CDH12: variants seen among roughly 807,000 people sequenced by gnomAD.
CDH12 encodes the protein cadherin 12.
Under a neutral mutation model 74.1 loss-of-function variants are expected in CDH12, and 41 were observed. That is an observed-to-expected ratio of 0.55 (90% confidence interval 0.43 to 0.72). The LOEUF is 0.72. Ranked by LOEUF, CDH12 falls within the 30% of genes least tolerant of loss-of-function variation. CDH12 has a pLI of 0.00. For missense variants in CDH12, 945 were observed against 977.2 expected, an observed-to-expected ratio of 0.97 and a Z score of 0.44; for synonymous variants, 399 against 355.0, an observed-to-expected ratio of 1.12 and a Z score of -1.39.
At chr5:22,028,172 C>G (rs2150169396) in intron 5 of CDH12, among the ~76,000 whole-genome samples, 1 of 152,262 alleles carries the variant, frequency 6.6e-6, no homozygotes, top group Non-Finnish European at 1.5e-5. Context: ...GCAGCAAAAA[C>G]TGGAAGCATT....
chr5:22,678,299 A>G (rs1741320020), intron 1 of CDH12, among the ~76,000 whole-genome samples: 2 of 152,132 alleles, frequency 1.3e-5, no homozygotes, highest in African/African-American at 4.8e-5. Flanking sequence ...TTTGTAGCAA[A>G]CACTGAATAG....
chr5:22,540,257 A>T (rs535444024), intron 1 of CDH12, among the ~76,000 whole-genome samples: 1 of 152,168 alleles, frequency 6.6e-6, no homozygotes, highest in East Asian at 1.9e-4. Flanking sequence ...AAAGAGGATG[A>T]GTTTGTTGAT....
At chr5:22,201,886 T>C (rs115147269) in intron 4 of CDH12, among the ~76,000 whole-genome samples, 8,579 of 152,072 alleles carry the variant, frequency 0.056, 268 homozygotes, top group Non-Finnish European at 0.063. Context: ...GGGGAAACAA[T>C]GATGGAAAGC....
intron 1 of CDH12, among the ~76,000 whole-genome samples, chr5:22,556,196 A>G (rs1467620838): frequency 2.6e-5 from 4 of 152,090 alleles, no homozygotes; most frequent in Admixed American, 2.6e-4. Flanking sequence ...CTTTGATAAA[A>G]GCAGAAGGGG....
chr5:21,839,564 T>C (rs1172463470), intron 8 of CDH12, among the ~76,000 whole-genome samples: 1 of 152,014 alleles, frequency 6.6e-6, no homozygotes, highest in African/African-American at 2.4e-5. Flanking sequence ...AACTAAAACA[T>C]TTCCATCAGT....
chr5:22,219,845 T>C (rs924491528), intron 3 of CDH12, among the ~76,000 whole-genome samples: 15 of 151,706 alleles, frequency 9.9e-5, no homozygotes, highest in Non-Finnish European at 2.1e-4. Context: ...TTAGTGCAGA[T>C]GGAGTAGTAA....
intron 4 of CDH12, among the ~76,000 whole-genome samples, chr5:22,134,376 T>C (rs1746341946): frequency 6.6e-6 from 1 of 152,028 alleles, no homozygotes; most frequent in Admixed American, 6.6e-5. Context: ...ATCCCACAGT[T>C]CTTCTACTTC....
intron 2 of CDH12, among the ~76,000 whole-genome samples, chr5:22,486,071 C>T (rs1746580295): frequency 6.6e-6 from 1 of 152,172 alleles, no homozygotes; most frequent in Admixed American, 6.5e-5. Flanking sequence ...AGCTGCTGCC[C>T]CGTGCCTGCC....
At chr5:22,121,603 A>C (rs1157011316) in intron 4 of CDH12, among the ~76,000 whole-genome samples, 2 of 152,348 alleles carry the variant, frequency 1.3e-5, no homozygotes, top group East Asian at 3.9e-4. Context: ...GATAATTAAC[A>C]TTAAGTTTTT....
intron 4 of CDH12, among the ~76,000 whole-genome samples, chr5:22,115,001 C>A (rs756153885): frequency 4.6e-5 from 7 of 152,172 alleles, no homozygotes; most frequent in East Asian, 1.9e-4. Flanking sequence ...TTGAGGCCAA[C>A]AATCCAGGAA....
intron 4 of CDH12, chr5:22,141,480 G>A (rs921576739): frequency 1.3e-5 from 2 of 152,126 alleles, no homozygotes; most frequent in Admixed American, 1.3e-4. Context: ...GAAGGTGTGT[G>A]GAGTAAAAGC....
chr5:22,058,425 T>C (rs1740904934), intron 5 of CDH12, among the ~76,000 whole-genome samples: 1 of 152,174 alleles, frequency 6.6e-6, no homozygotes, highest in African/African-American at 2.4e-5. Context: ...ATTTGACATG[T>C]ATTTATAAAA....
At chr5:22,575,966 CTCCCACCT>C in intron 1 of CDH12, among the ~76,000 whole-genome samples, 1 of 151,930 alleles carries the variant, frequency 6.6e-6, no homozygotes, top group Non-Finnish European at 1.5e-5. Context: ...TCAAGTGATC[CTCCCACCT>C]CAGCCTCCCA....
At chr5:21,983,363 T>G (rs1221738559) in intron 5 of CDH12, among the ~76,000 whole-genome samples, 2 of 152,082 alleles carry the variant, frequency 1.3e-5, no homozygotes, top group African/African-American at 4.8e-5. Context: ...TCCATCTGAT[T>G]ATATTTTCTT....
At chr5:22,353,610 C>A (rs1465230201) in intron 3 of CDH12, among the ~76,000 whole-genome samples, 2 of 152,074 alleles carry the variant, frequency 1.3e-5, no homozygotes, top group East Asian at 1.9e-4. Flanking sequence ...CATATAATCA[C>A]AAACTCAAGT....
intron 2 of CDH12, among the ~76,000 whole-genome samples, chr5:22,501,303 G>T (rs1292440988): frequency 1.3e-5 from 2 of 152,094 alleles, no homozygotes; most frequent in African/African-American, 4.8e-5. Flanking sequence ...CAAAGAAATA[G>T]AAAATTACAT....
chr5:22,242,396 C>G (rs1042075197), intron 3 of CDH12, among the ~76,000 whole-genome samples: 2 of 152,056 alleles, frequency 1.3e-5, no homozygotes, highest in African/African-American at 4.8e-5. Context: ...TTAATTATAA[C>G]TCCTCATTTT....
intron 3 of CDH12, among the ~76,000 whole-genome samples, chr5:22,401,960 C>T (rs1373975465): frequency 1.3e-5 from 2 of 152,208 alleles, no homozygotes; most frequent in Non-Finnish European, 2.9e-5. Flanking sequence ...TGAACAGACT[C>T]TCTGAGCCTC....
At chr5:21,769,601 T>A (rs528654411) in intron 11 of CDH12, among the ~76,000 whole-genome samples, 183 of 152,266 alleles carry the variant, frequency 1.2e-3, no homozygotes, top group African/African-American at 3.8e-3. Context: ...AGGTGTGACA[T>A]AATTAGAATC....
Sources: gnomAD v4.1 joint callset for allele counts (sites outside exome capture counted in the v4.1 genomes callset) on GRCh38, gnomAD v4.1.1 for gene constraint, MANE v1.5 for transcripts, NCBI Gene and HGNC (gene_info 2026-07-23, HGNC 2026-07-21) for gene names.